WWOX: variants seen among roughly 807,000 people sequenced by gnomAD.
WWOX encodes WW domain containing oxidoreductase.
Under a neutral mutation model 46.2 loss-of-function variants are expected in WWOX, and 69 were observed. That is an observed-to-expected ratio of 1.49 (90% CI 1.23 to 1.82). WWOX has a LOEUF of 1.82. WWOX is among the 40% of genes most tolerant of loss of function. The pLI is 0.00. For missense variants in WWOX, 919 were observed against 542.6 expected, an observed-to-expected ratio of 1.69 and a Z score of -6.89; for synonymous variants, 359 against 202.6, an observed-to-expected ratio of 1.77 and a Z score of -6.56.
At chr16:78,450,372 A>G (rs976262883) in intron 8 of WWOX, among the ~76,000 whole-genome samples, 1 of 152,226 alleles carries the variant, frequency 6.6e-6, no homozygotes, top group Non-Finnish European at 1.5e-5. Flanking sequence ...TCAGCTGGAT[A>G]TCTTATTTAT....
intron 8 of WWOX, among the ~76,000 whole-genome samples, chr16:78,827,620 G>A (rs994198697): frequency 3.3e-5 from 5 of 151,826 alleles, no homozygotes; most frequent in Middle Eastern, 3.4e-3. Context: ...GTCACCTGAG[G>A]TCAGGACTTC....
chr16:78,347,125 G>C (rs1324827486), intron 5 of WWOX, among the ~76,000 whole-genome samples: 1 of 118,852 alleles, frequency 8.4e-6, no homozygotes, highest in Non-Finnish European at 2.0e-5. Context: ...ATTGACAGGT[G>C]TGCAGTCATC....
At chr16:78,983,751 A>G (rs1335012950) in intron 8 of WWOX, among the ~76,000 whole-genome samples, 1 of 152,062 alleles carries the variant, frequency 6.6e-6, no homozygotes, top group Non-Finnish European at 1.5e-5. Flanking sequence ...TGAGAGATAA[A>G]CTTCTATTGT....
rs375648696 is a variant in WWOX at position 78,244,559 on chromosome 16, C to A, written c.516+80270C>A. On this transcript the variant is annotated intron_variant, in intron 5 of 8. Transcript: ENST00000566780. ...TTCTATTTTTAGTCACGTTGGCCTG[C>A]GTTGGTAAATTTACCTTTCCTGGTC... Among the ~76,000 whole-genome samples the A allele has an allele frequency of 2.6e-5, 4 of 152,248 alleles. No individual in the cohort carries two copies. The East Asian group carries it at 7.7e-4, about 29-fold the overall frequency.
intron 5 of WWOX, among the ~76,000 whole-genome samples, chr16:78,312,558 A>G (rs1025074414): frequency 3.3e-5 from 5 of 151,998 alleles, no homozygotes; most frequent in Non-Finnish European, 7.4e-5. Context: ...AATTTTTAGT[A>G]GAGATGGGGT....
rs1567570588 is a variant in WWOX, at chr16:78,432,755, A to G, written c.1056+3A>G. ...CGAGGCCTTTCACCAAGTCCATGGT[A>G]AGAGAACAGCTTCTGGCGCCGCAAA... On this transcript the variant is annotated splice_donor_region_variant and intron_variant, in intron 8 of 8. Coordinates refer to ENST00000566780, the MANE Select transcript of WWOX (RefSeq NM_016373.4). 1 of 1,614,172 alleles carries G rather than the reference A, an allele frequency of 6.2e-7. No homozygotes were observed. The highest frequency in any genetic ancestry group is 1.1e-5 in the South Asian group (1 of 91,088).
chr16:78,939,768 T>C (rs2045814978), intron 8 of WWOX, among the ~76,000 whole-genome samples: 1 of 152,224 alleles, frequency 6.6e-6, no homozygotes. Context: ...TAATGACAAC[T>C]TCAGTTCTCC....
intron 8 of WWOX, among the ~76,000 whole-genome samples, chr16:78,534,819 A>G (rs78557007): frequency 5.9e-5 from 9 of 151,732 alleles, no homozygotes; most frequent in Non-Finnish European, 1.3e-4. Flanking sequence ...AAGCGATTCC[A>G]CTGCCCTGAT....
chr16:78,963,672 G>A (rs982634127), intron 8 of WWOX, among the ~76,000 whole-genome samples: 1 of 152,172 alleles, frequency 6.6e-6, no homozygotes, highest in Non-Finnish European at 1.5e-5. Context: ...AACATGCATT[G>A]AGTATGGACT....
intron 8 of WWOX, among the ~76,000 whole-genome samples, chr16:79,145,830 C>G (rs1236167090): frequency 2.0e-5 from 3 of 151,806 alleles, no homozygotes; most frequent in East Asian, 1.9e-4. Flanking sequence ...GAAAAAAACC[C>G]CATTCAAAAT....
At chr16:78,656,294 C>G (rs1417622430) in intron 8 of WWOX, among the ~76,000 whole-genome samples, 1 of 152,054 alleles carries the variant, frequency 6.6e-6, no homozygotes, top group African/African-American at 2.4e-5. Context: ...ATCACCCACT[C>G]CAACATGCAT....
At chr16:78,938,273 C>T (rs2045783264) in intron 8 of WWOX, among the ~76,000 whole-genome samples, 1 of 152,180 alleles carries the variant, frequency 6.6e-6, no homozygotes, top group Admixed American at 6.5e-5. Context: ...GGAAGTAGAT[C>T]AGTGTTGCCC....
intron 4 of WWOX, among the ~76,000 whole-genome samples, chr16:78,163,703 A>G (rs181697001): frequency 6.8e-4 from 103 of 152,310 alleles, no homozygotes; most frequent in Admixed American, 1.5e-3. Context: ...GGGCTAAGAA[A>G]CCTAGGTAAC....
At chr16:78,744,005 T>G (rs2049289977) in intron 8 of WWOX, among the ~76,000 whole-genome samples, 1 of 152,226 alleles carries the variant, frequency 6.6e-6, no homozygotes, top group Non-Finnish European at 1.5e-5. Flanking sequence ...TTGCTTTGTT[T>G]ATGCGTTTTG....
intron 5 of WWOX, among the ~76,000 whole-genome samples, chr16:78,316,238 C>G (rs1303015687): frequency 1.3e-5 from 2 of 152,010 alleles, no homozygotes; most frequent in African/African-American, 2.4e-5. Context: ...AGAGCCACAT[C>G]TCCAAAAAGG....
intron 8 of WWOX, among the ~76,000 whole-genome samples, chr16:79,184,626 A>T (rs1423421562): frequency 6.6e-6 from 1 of 152,174 alleles, no homozygotes; most frequent in African/African-American, 2.4e-5. Flanking sequence ...GCCTCTCCTG[A>T]GGGTCAATAT....
At chr16:79,132,674 A>C (rs1323554510) in intron 8 of WWOX, among the ~76,000 whole-genome samples, 2 of 152,062 alleles carry the variant, frequency 1.3e-5, no homozygotes, top group Non-Finnish European at 2.9e-5. Context: ...CTAAGTTATT[A>C]CTTATATTGT....
chr16:79,031,109 A>AT (rs397734443), intron 8 of WWOX, among the ~76,000 whole-genome samples: 4 of 151,116 alleles, frequency 2.6e-5, no homozygotes, highest in Admixed American at 6.6e-5. Flanking sequence ...AAAAAAAAAA[A>AT]TCCAGTAGGA....
intron 8 of WWOX, among the ~76,000 whole-genome samples, chr16:79,142,229 C>T (rs2050103578): frequency 6.6e-6 from 1 of 152,134 alleles, no homozygotes; most frequent in Non-Finnish European, 1.5e-5. Flanking sequence ...GCTAAGGAAG[C>T]ACAAATCACA....
Sources: gnomAD v4.1 joint callset for allele counts (sites outside exome capture counted in the v4.1 genomes callset) on GRCh38, gnomAD v4.1.1 for gene constraint, MANE v1.5 for transcripts, NCBI Gene and HGNC (gene_info 2026-07-23, HGNC 2026-07-21) for gene names.